Variants in C9 observed in about 807,000 individuals in gnomAD.
C9 encodes complement component C9.
A neutral mutation model predicts 65.4 loss-of-function variants in C9; 63 were observed. That is an observed-to-expected ratio of 0.96 (90% CI 0.79 to 1.19). C9 has a LOEUF of 1.19. C9 is among the 50% of genes most tolerant of loss of function. C9 has a pLI of 0.00. For synonymous variants in C9, 229 were observed against 227.9 expected (o/e 1.00, Z -0.04); for missense variants, 744 against 670.1 (o/e 1.11, Z -1.22).
chr5:39,331,539 C>T, intron 5 of C9, 137 bp downstream of exon 5: 1 of 772,490 alleles, frequency 1.3e-6, no homozygotes, highest in Non-Finnish European at 2.3e-6. Context: ...ATCCAAACTA[C>T]ATCGCCTCTT....
Position 39,331,699 on chromosome 5 carries a change from T to C in C9, c.592A>G (p.Asn198Asp), listed in dbSNP as rs1753842564. ...ACTTCATAGATCAAAGAAGCCACGTTCCAAGGTCTTCGGTAGTATGTCAGA... is the reference window on the plus strand; with the variant it reads ...ACTTCATAGATCAAAGAAGCCACGTCCCAAGGTCTTCGGTAGTATGTCAGA... ...NTLTYYRRPW[N>D]VASLIYETKG... The change falls in exon 5 of 11, where the codon AAC becomes GAC. Residue 198 changes from asparagine to aspartate, a missense_variant. By Grantham distance (23) the Asn-to-Asp change is conservative (BLOSUM62 1). Transcript: ENST00000263408. 2 of 1,614,056 alleles carry C rather than the reference T, an allele frequency of 1.2e-6. No individual in the cohort carries two copies. The highest frequency in any genetic ancestry group is 1.7e-6 in the Non-Finnish European group (2 of 1,179,884).
chr5:39,357,979 G>T (rs1049914336), intron 1 of C9, among the ~76,000 whole-genome samples: 2 of 152,010 alleles, frequency 1.3e-5, no homozygotes, highest in South Asian at 2.1e-4. Context: ...GAGAGAGAGA[G>T]ATATTCCTAA....
intron 9 of C9, among the ~76,000 whole-genome samples, chr5:39,296,753 T>TA (rs1753192292): frequency 6.6e-6 from 1 of 151,496 alleles, no homozygotes; most frequent in African/African-American, 2.4e-5. Flanking sequence ...TATTAAGCCA[T>TA]AAAAAAGAAC....
At chr5:39,286,307 T>G (rs150445978) in intron 10 of C9, among the ~76,000 whole-genome samples, 5 of 152,150 alleles carry the variant, frequency 3.3e-5, no homozygotes, top group East Asian at 3.9e-4. Context: ...AAAAAATCAC[T>G]AAGTACTGAA....
chr5:39,285,280 T>TGG, intron 10 of C9, 47 bp from the exon 11 acceptor site: 1 of 1,500,550 alleles, frequency 6.7e-7, no homozygotes, highest in Non-Finnish European at 9.3e-7. Flanking sequence ...AATAGGATTT[T>TGG]ACTTTGGGTC....
At chr5:39,328,460 T>A (rs1579861530) in intron 5 of C9, among the ~76,000 whole-genome samples, 1 of 152,192 alleles carries the variant, frequency 6.6e-6, no homozygotes, top group South Asian at 2.1e-4. Context: ...GCTGTTTTTG[T>A]GTGAGCATAA....
intron 1 of C9, among the ~76,000 whole-genome samples, chr5:39,352,871 G>A (rs879756858): frequency 1.3e-5 from 2 of 151,316 alleles, no homozygotes; most frequent in African/African-American, 4.9e-5. Flanking sequence ...AATGCAATAG[G>A]CAGAATAACG....
At chr5:39,353,839 A>G (rs1444762684) in intron 1 of C9, among the ~76,000 whole-genome samples, 1 of 152,206 alleles carries the variant, frequency 6.6e-6, no homozygotes, top group East Asian at 1.9e-4. Context: ...CCTGAAACAT[A>G]ATAGGTACTC....
At chr5:39,331,334 C>T (rs974903548) in intron 5 of C9, among the ~76,000 whole-genome samples, 3 of 152,114 alleles carry the variant, frequency 2.0e-5, no homozygotes, top group Admixed American at 6.5e-5. Context: ...CATCAGGAGG[C>T]TAGCAAACAA....
intron 1 of C9, among the ~76,000 whole-genome samples, chr5:39,344,290 T>C (rs1336848598): frequency 6.6e-6 from 1 of 152,138 alleles, no homozygotes; most frequent in Non-Finnish European, 1.5e-5. Context: ...ATTAGACAAA[T>C]GGCTAACTAG....
At chr5:39,353,684 T>G (rs1203410446) in intron 1 of C9, among the ~76,000 whole-genome samples, 1 of 152,204 alleles carries the variant, frequency 6.6e-6, no homozygotes, top group Admixed American at 6.5e-5. Flanking sequence ...TAATTTCCTA[T>G]TATTGGCTAA....
chr5:39,327,481 G>C (rs1753767608), intron 5 of C9, among the ~76,000 whole-genome samples: 1 of 152,078 alleles, frequency 6.6e-6, no homozygotes, highest in African/African-American at 2.4e-5. Flanking sequence ...GGGTTTTGAG[G>C]GAAATGAGTC....
At chr5:39,285,338 G>T in intron 10 of C9, 105 bp from the exon 11 acceptor site, 1 of 847,472 alleles carries the variant, frequency 1.2e-6, no homozygotes. Context: ...GCACCACGTT[G>T]TGCCATACTG....
At chr5:39,306,581 C>T (rs1337293425) in intron 9 of C9, 36 bp downstream of exon 9, 1 of 1,518,596 alleles carries the variant, frequency 6.6e-7, no homozygotes, top group South Asian at 1.1e-5. Flanking sequence ...AAAAAAATGA[C>T]ACAGTCTTCT....
intron 1 of C9, among the ~76,000 whole-genome samples, chr5:39,352,775 T>G (rs1262432091): frequency 6.6e-6 from 1 of 152,196 alleles, no homozygotes; most frequent in Non-Finnish European, 1.5e-5. Flanking sequence ...AATTTGATCT[T>G]ATCATTCAGT....
rs190483247 is a variant in C9 at position 39,323,670 on chromosome 5, C to T, written c.616-7641G>A. ...CAAATTAGGTATAGAAGGAATGTATCTCGACATAATAAAGGCCATATACAA... is the reference window on the plus strand; with the variant it reads ...CAAATTAGGTATAGAAGGAATGTATTTCGACATAATAAAGGCCATATACAA... On this transcript the variant is annotated intron_variant, in intron 5 of 10. Transcript: ENST00000263408. 1.4e-4 allele frequency among the ~76,000 whole-genome samples: 21 copies of T among 151,642 alleles called. No individual in the cohort carries two copies. The East Asian group carries it at 3.9e-3, about 28-fold the overall frequency.
chr5:39,306,753 G>C lies in C9; in HGVS notation c.1280C>G (p.Ser427Ter), dbSNP rs121909594. The change falls in exon 9 of 11, where the codon TCA becomes TGA. Residue 427 changes from serine to a stop codon, truncating the protein, a stop_gained. Transcript: ENST00000263408. LOFTEE classifies it high-confidence loss of function. ...TSENLIDDVV[S>*]LIRGGTRKYA... ...TTTTCTGGTTCCACCTCTTATGAGT[G>C]AAACAACATCATCTATGAGGTTTTC... 84 of 1,612,574 alleles carry C rather than the reference G, an allele frequency of 5.2e-5. No individual in the cohort carries two copies. The highest frequency in any genetic ancestry group is 6.4e-5 in the Non-Finnish European group (76 of 1,178,734).
At chr5:39,342,230 C>G in intron 1 of C9, 34 bp from the exon 2 acceptor site, 2 of 1,105,910 alleles carry the variant, frequency 1.8e-6, no homozygotes, top group Non-Finnish European at 2.8e-6. Context: ...TTATAATGAC[C>G]ATTGTGTATA....
rs754943606 is a variant in C9 at position 39,306,697 on chromosome 5, G to A, written c.1336C>T (p.Arg446Ter). Residue 446 changes from arginine (R) to a stop codon, truncating the protein, a stop_gained, in exon 9 of 11, where the codon CGA (arginine) becomes TGA (stop). Coordinates refer to ENST00000263408, the MANE Select transcript of C9 (RefSeq NM_001737.5). LOFTEE classifies it high-confidence loss of function. ...TCAGTCACATCAATCACGGTTCCTCGGAGAAGCTTTTCTTTCAGTTCAAAT... is the reference window on the plus strand; with the variant it reads ...TCAGTCACATCAATCACGGTTCCTCAGAGAAGCTTTTCTTTCAGTTCAAAT... ...YAFELKEKLL[R>*]GTVIDVTDFV... 17 of 1,613,024 alleles carry A rather than the reference G, an allele frequency of 1.1e-5. No individual in the cohort carries two copies. Among genetic ancestry groups the A allele is most frequent in the East Asian group, 4.5e-5 (2 of 44,862 alleles).
Sources: allele counts gnomAD v4.1 joint callset (sites outside exome capture counted in the v4.1 genomes callset), GRCh38; gene constraint gnomAD v4.1.1; transcripts MANE v1.5; gene names NCBI Gene and HGNC (gene_info 2026-07-23, HGNC 2026-07-21).